Variants in C1GALT1 observed in about 807,000 individuals in gnomAD.
C1GALT1 encodes the protein glycoprotein-N-acetylgalactosamine 3-beta-galactosyltransferase 1.
Under a neutral mutation model 31.0 loss-of-function variants are expected in C1GALT1, and 11 were observed. That is an observed-to-expected ratio of 0.36 (90% confidence interval 0.22 to 0.59). The LOEUF (loss-of-function observed/expected upper bound fraction) is 0.59, where lower values mean the gene tolerates loss of function less well. Ranked by LOEUF, C1GALT1 falls within the 20% of genes least tolerant of loss-of-function variation. The pLI is 0.79. For synonymous variants in C1GALT1, 175 were observed against 143.6 expected (o/e 1.22, Z -1.56); for missense variants, 424 against 425.2 (o/e 1.00, Z 0.03).
At chr7:7,192,657 TGG>T (rs1051113376) in intron 1 of C1GALT1, among the ~76,000 whole-genome samples, 10 of 152,266 alleles carry the variant, frequency 6.6e-5, no homozygotes, top group African/African-American at 2.4e-4. Flanking sequence ...TCTTTTTCTC[TGG>T]GTAGATACCC....
chr7:7,198,952 T>C (rs1201935396), intron 1 of C1GALT1, among the ~76,000 whole-genome samples: 5 of 152,174 alleles, frequency 3.3e-5, no homozygotes, highest in Non-Finnish European at 5.9e-5. Flanking sequence ...TTGCTAGCGG[T>C]CTATCCATTT....
chr7:7,202,264 G>A (rs1413664164), intron 1 of C1GALT1, among the ~76,000 whole-genome samples: 1 of 152,098 alleles, frequency 6.6e-6, no homozygotes, highest in Non-Finnish European at 1.5e-5. Context: ...TTCCTGGTAC[G>A]TTCCCGTGGT....
At chr7:7,218,024 G>T (rs111962423) in intron 1 of C1GALT1, among the ~76,000 whole-genome samples, 2 of 152,214 alleles carry the variant, frequency 1.3e-5, no homozygotes, top group African/African-American at 4.8e-5. Context: ...TTACTGATGA[G>T]TATATAGTAA....
At chr7:7,169,596 A>G (rs1780431346) in intron 2 of C1GALT1, among the ~76,000 whole-genome samples, 1 of 151,110 alleles carries the variant, frequency 6.6e-6, no homozygotes, top group East Asian at 1.9e-4. Flanking sequence ...ATGGTACATC[A>G]TTGTTGTTTT....
chr7:7,169,041 C>T (rs1780425859), intron 2 of C1GALT1, among the ~76,000 whole-genome samples: 1 of 152,156 alleles, frequency 6.6e-6, no homozygotes, highest in Non-Finnish European at 1.5e-5. Flanking sequence ...ATCCCCTCCA[C>T]CTTTAACCTA....
chr7:7,214,572 G>C (rs1023396404), intron 1 of C1GALT1, among the ~76,000 whole-genome samples: 3 of 152,068 alleles, frequency 2.0e-5, no homozygotes, highest in East Asian at 1.9e-4. Flanking sequence ...TTCGGCTTTC[G>C]AACTTTCGAA....
intron 1 of C1GALT1, among the ~76,000 whole-genome samples, chr7:7,183,889 A>G (rs1258662555): frequency 6.6e-6 from 1 of 152,248 alleles, no homozygotes; most frequent in Non-Finnish European, 1.5e-5. Flanking sequence ...AACCATAATG[A>G]ATCAATGAAT....
At chr7:7,179,602 TTATTA>T (rs1780546871), upstream of C1GALT1, among the ~76,000 whole-genome samples, 1 of 152,194 alleles carries the variant, frequency 6.6e-6, no homozygotes, top group East Asian at 1.9e-4. Context: ...TTGGCCTATC[TTATTA>T]TGTCAACTAA....
intron 1 of C1GALT1, among the ~76,000 whole-genome samples, chr7:7,223,346 A>G (rs11771426): frequency 0.14 from 20,721 of 152,080 alleles, 1,642 homozygotes; most frequent in East Asian, 0.37. Context: ...TATTTTTAGT[A>G]GAGATGGGGT....
intron 1 of C1GALT1, among the ~76,000 whole-genome samples, chr7:7,218,868 C>G (rs953354095): frequency 1.4e-4 from 21 of 148,932 alleles, no homozygotes; most frequent in African/African-American, 3.8e-4. Context: ...GAGTCTTGCT[C>G]TGTCGCCCAG....
chr7:7,182,022 C>G (rs1448659624), upstream of C1GALT1, among the ~76,000 whole-genome samples: 1 of 152,180 alleles, frequency 6.6e-6, no homozygotes, highest in Non-Finnish European at 1.5e-5. Flanking sequence ...AGAAAGCTTT[C>G]TGGTATCATT....
intron 2 of C1GALT1, among the ~76,000 whole-genome samples, chr7:7,164,132 G>A (rs1054205027): frequency 3.3e-5 from 5 of 152,062 alleles, no homozygotes; most frequent in African/African-American, 9.7e-5. Context: ...TAGATCAATG[G>A]AACAGAACAG....
chr7:7,234,066 T>C (rs1008705845), intron 1 of C1GALT1, among the ~76,000 whole-genome samples: 25 of 152,164 alleles, frequency 1.6e-4, no homozygotes, highest in Non-Finnish European at 2.8e-4. Flanking sequence ...CTGTGTGCAA[T>C]ACTGACATAC....
chr7:7,227,114 G>A (rs2108784), intron 1 of C1GALT1, among the ~76,000 whole-genome samples: 71,502 of 151,958 alleles, frequency 0.47, 18,352 homozygotes, highest in African/African-American at 0.68. Flanking sequence ...TCATATTACA[G>A]ATGTCTAGGT....
intron 1 of C1GALT1, among the ~76,000 whole-genome samples, chr7:7,207,804 A>G (rs546888406): frequency 2.9e-5 from 4 of 139,504 alleles, no homozygotes; most frequent in Non-Finnish European, 6.2e-5. Flanking sequence ...TTTTTTTTTA[A>G]TTGTTGCAGT....
intron 2 of C1GALT1, among the ~76,000 whole-genome samples, chr7:7,172,087 G>T (rs1397991518): frequency 6.6e-6 from 1 of 152,150 alleles, no homozygotes. Flanking sequence ...TTGCTGGCTA[G>T]TGTCTTTTCA....
At chr7:7,204,758 GTC>G (rs1445993173) in intron 1 of C1GALT1, among the ~76,000 whole-genome samples, 1 of 152,026 alleles carries the variant, frequency 6.6e-6, no homozygotes, top group Non-Finnish European at 1.5e-5. Flanking sequence ...TTTTTCGTTT[GTC>G]TCTAAGTATT....
chr7:7,168,553 T>C (rs958810120), intron 2 of C1GALT1, among the ~76,000 whole-genome samples: 3 of 152,208 alleles, frequency 2.0e-5, no homozygotes, highest in Admixed American at 1.3e-4. Flanking sequence ...TCCAGCAATC[T>C]TCTCCTATTT....
chr7:7,191,222 A>G (rs1781056352), intron 1 of C1GALT1, among the ~76,000 whole-genome samples: 1 of 152,140 alleles, frequency 6.6e-6, no homozygotes, highest in Non-Finnish European at 1.5e-5. Flanking sequence ...TACTTCATGT[A>G]GGTGGAATTG....
Sources: allele counts gnomAD v4.1 joint callset (sites outside exome capture counted in the v4.1 genomes callset), GRCh38; gene constraint gnomAD v4.1.1; transcripts MANE v1.5; gene names NCBI Gene and HGNC (gene_info 2026-07-23, HGNC 2026-07-21).